Variants in ZNF787 observed in about 807,000 individuals in gnomAD.
ZNF787 encodes TTF-I-interacting peptide 20.
Under a neutral mutation model 16.9 loss-of-function variants are expected in ZNF787, and 7 were observed. The ratio of observed to expected loss-of-function variants is 0.42; its 90% CI spans 0.24 to 0.78. The LOEUF is 0.78. Among genes scored for constraint, ZNF787 ranks in the 30% least tolerant of loss-of-function variants. ZNF787 has a pLI of 0.30. For missense variants in ZNF787, 551 were observed against 589.3 expected (o/e 0.94, Z 0.67); for synonymous variants, 345 against 270.9 (o/e 1.27, Z -2.69).
chr19:56,098,266 G>A (rs1985945502), intron 2 of ZNF787, among the ~76,000 whole-genome samples: 1 of 152,206 alleles, frequency 6.6e-6, no homozygotes, highest in African/African-American at 2.4e-5. Context: ...TCACAAGAAG[G>A]TCCCAAGTGT....
intron 2 of ZNF787, among the ~76,000 whole-genome samples, chr19:56,100,526 C>A (rs914756005): frequency 1.3e-5 from 2 of 152,058 alleles, no homozygotes; most frequent in Non-Finnish European, 2.9e-5. Context: ...GGGCATGCTC[C>A]CCTGCCCCTC....
chr19:56,114,095 C>T (rs1004685018), intron 1 of ZNF787, among the ~76,000 whole-genome samples: 7 of 152,222 alleles, frequency 4.6e-5, no homozygotes, highest in Non-Finnish European at 8.8e-5. Context: ...TGCCACTGCA[C>T]GTGCCGGCTG....
chr19:56,107,607 G>A (rs1000714751), intron 1 of ZNF787, among the ~76,000 whole-genome samples: 5 of 151,584 alleles, frequency 3.3e-5, no homozygotes, highest in South Asian at 2.1e-4. Flanking sequence ...CAGGAGGGCC[G>A]AGGTCCTGCC....
At chr19:56,110,231 G>A (rs552917726) in intron 1 of ZNF787, among the ~76,000 whole-genome samples, 11 of 151,886 alleles carry the variant, frequency 7.2e-5, no homozygotes, top group South Asian at 2.1e-4. Context: ...ATGGTGGCTC[G>A]TGCCTGTAGT....
chr19:56,118,762 A>G (rs2030207503), intron 1 of ZNF787, among the ~76,000 whole-genome samples: 1 of 152,158 alleles, frequency 6.6e-6, no homozygotes, highest in Non-Finnish European at 1.5e-5. Context: ...GGACACACGA[A>G]CGAGGTTTGG....
chr19:56,102,954 C>T, intron 2 of ZNF787, 185 bp downstream of exon 2: 1 of 724,466 alleles, frequency 1.4e-6, no homozygotes, highest in Non-Finnish European at 2.5e-6. Flanking sequence ...GGAGCCACAA[C>T]ACTAGCCCTC....
At chr19:56,101,368 C>T (rs1239720241) in intron 2 of ZNF787, among the ~76,000 whole-genome samples, 2 of 152,274 alleles carry the variant, frequency 1.3e-5, no homozygotes, top group Admixed American at 1.3e-4. Flanking sequence ...AGCGCAGGCC[C>T]TCCCCGGAGC....
intron 1 of ZNF787, among the ~76,000 whole-genome samples, chr19:56,113,342 C>CG (rs2030034366): frequency 6.6e-6 from 1 of 152,152 alleles, no homozygotes; most frequent in African/African-American, 2.4e-5. Context: ...CCAGAACTCC[C>CG]ATAAGAACCC....
In ZNF787 at chr19:56,096,737, TAAAAC is replaced by T. The variant is rs549092389; in HGVS notation, c.79+6397_79+6401del. On this transcript the variant is annotated intron_variant, in intron 2 of 2. Coordinates refer to ENST00000610935, the MANE Select transcript of ZNF787 (RefSeq NM_001002836.4). ...CAGAAAATAAATAAATAAATAAAAATAAAACAAAATAAAATAAAGAGAGATGAGGG... is the reference window on the plus strand; with the variant it reads ...CAGAAAATAAATAAATAAATAAAAATAAAATAAAATAAAGAGAGATGAGGG... Among the ~76,000 whole-genome samples the T allele has an allele frequency of 3.4e-3, 523 of 151,900 alleles. 8 individuals are homozygous for T. The highest frequency in any genetic ancestry group is 0.012 in the African/African-American group (505 of 41,396).
rs553220755 is a variant in ZNF787, at chr19:56,119,178, C to T, written c.-11+1994G>A. 2.5e-4 allele frequency among the ~76,000 whole-genome samples: 38 copies of T among 152,246 alleles called. No homozygotes were observed. In the South Asian group the frequency reaches 7.9e-3, roughly 32 times the overall value. ...AGGGCCTTGAGATCCCTCTCTTCAC[C>T]CAGGCTGGGCCAGGCACCTCATCTG... On this transcript the variant is annotated intron_variant, in intron 1 of 2. Transcript: ENST00000610935.
intron 1 of ZNF787, 172 bp from the exon 2 acceptor site, chr19:56,103,399 C>G (rs2279413): frequency 0.14 from 73,725 of 535,426 alleles, 6,114 homozygotes; most frequent in East Asian, 0.31. Context: ...CTAGCCTGGC[C>G]GCTCCCCACT....
At position 56,087,963 on chromosome 19, in the gene ZNF787, A is replaced by C. The variant is rs969594169; in HGVS notation, c.*60T>G. On this transcript the variant is annotated 3_prime_UTR_variant, in exon 3 of 3. Coordinates refer to ENST00000610935, the MANE Select transcript of ZNF787 (RefSeq NM_001002836.4). Reference sequence around the variant, plus strand: ...TTCTCCCTGGGTCTCTTGGTCTTGCACGTCGTCGCTCCCGCCAAGCCCGAG... The same window carrying C: ...TTCTCCCTGGGTCTCTTGGTCTTGCCCGTCGTCGCTCCCGCCAAGCCCGAG... The C allele has an allele frequency of 7.7e-6, 10 of 1,295,476 alleles. No individual in the cohort carries two copies. The African/African-American group carries it at 1.3e-4, about 17-fold the overall frequency. 80.2% of individuals were successfully genotyped at this position (1,295,476 alleles called of 1,614,324 possible).
chr19:56,087,964 C>T lies in ZNF787; in HGVS notation c.*59G>A, dbSNP rs1599934510. ...TCTCCCTGGGTCTCTTGGTCTTGCACGTCGTCGCTCCCGCCAAGCCCGAGG... is the reference window on the plus strand; with the variant it reads ...TCTCCCTGGGTCTCTTGGTCTTGCATGTCGTCGCTCCCGCCAAGCCCGAGG... On this transcript the variant is annotated 3_prime_UTR_variant, in exon 3 of 3. Transcript: ENST00000610935. 10 of 1,298,600 alleles carry T rather than the reference C, an allele frequency of 7.7e-6. No individual in the cohort carries two copies. Among genetic ancestry groups the T allele is most frequent in the Non-Finnish European group, 7.8e-6 (8 of 1,025,878 alleles). 80.4% of individuals were successfully genotyped at this position (1,298,600 alleles called of 1,614,324 possible).
In ZNF787 at chr19:56,087,868, C is replaced by CA. The variant is rs1985354798; in HGVS notation, c.*154dup. ...GCCCTAATACGCCCCAGTGCCCCCC[C>CA]ACGGACGGCGCAGGGACAGAGGAGG... On this transcript the variant is annotated 3_prime_UTR_variant, in exon 3 of 3. Coordinates refer to ENST00000610935, the MANE Select transcript of ZNF787 (RefSeq NM_001002836.4). The CA allele has an allele frequency of 8.4e-7, 1 of 1,188,568 alleles. No individual in the cohort carries two copies. The highest frequency in any genetic ancestry group is 4.4e-5 in the Admixed American group (1 of 22,652). 73.6% of individuals were successfully genotyped at this position (1,188,568 alleles called of 1,614,324 possible).
intron 1 of ZNF787, among the ~76,000 whole-genome samples, chr19:56,110,049 G>C (rs2029934108): frequency 6.6e-6 from 1 of 152,142 alleles, no homozygotes; most frequent in South Asian, 2.1e-4. Flanking sequence ...TTAAAAACCA[G>C]TGAATTGTAC....
chr19:56,088,018 C>T lies in ZNF787; in HGVS notation c.*5G>A. ...CCTGCCCGCCCCCCCCCCCGGGCCCCTCCCCTACCGGCCCTCCCCACCGCG... is the reference window on the plus strand; with the variant it reads ...CCTGCCCGCCCCCCCCCCCGGGCCCTTCCCCTACCGGCCCTCCCCACCGCG... On this transcript the variant is annotated 3_prime_UTR_variant, in exon 3 of 3. Coordinates refer to ENST00000610935, the MANE Select transcript of ZNF787 (RefSeq NM_001002836.4). This position sits in a 1 kb window ranked among gnomAD's most constrained non-coding sequence, Gnocchi z 8.6. 8.2e-7 allele frequency: 1 copy of T among 1,217,344 alleles called. No homozygotes were observed. The highest frequency in any genetic ancestry group is 1.0e-6 in the Non-Finnish European group (1 of 975,348). 75.4% of individuals were successfully genotyped at this position (1,217,344 alleles called of 1,614,324 possible). A position where few individuals can be genotyped will look rare whatever the true frequency, so the allele number is the denominator to read the frequency against.
chr19:56,107,722 G>A (rs1326221385), intron 1 of ZNF787, among the ~76,000 whole-genome samples: 4 of 152,140 alleles, frequency 2.6e-5, no homozygotes, highest in Admixed American at 2.0e-4. Flanking sequence ...GCTCTGTTGG[G>A]GAGGCTGGGG....
At chr19:56,092,016 A>AAGCCGAAGCCGAAG (rs1985611148) in intron 2 of ZNF787, among the ~76,000 whole-genome samples, 46 of 144,920 alleles carry the variant, frequency 3.2e-4, no homozygotes, top group African/African-American at 1.3e-3. Flanking sequence ...CAAAGCCGAA[A>AAGCCGAAGCCGAAG]CCGAAGCCGA....
intron 1 of ZNF787, among the ~76,000 whole-genome samples, chr19:56,108,006 C>T (rs892341220): frequency 2.6e-5 from 4 of 152,084 alleles, no homozygotes; most frequent in Non-Finnish European, 5.9e-5. Flanking sequence ...ACTGTTCTGA[C>T]GCTTGTCTTA....
Sources: allele counts gnomAD v4.1 joint callset (sites outside exome capture counted in the v4.1 genomes callset), GRCh38; gene constraint gnomAD v4.1.1; non-coding constraint Gnocchi (gnomAD v3.1); transcripts MANE v1.5; gene names NCBI Gene and HGNC (gene_info 2026-07-23, HGNC 2026-07-21).